MAN1B1: variants seen among roughly 807,000 people sequenced by gnomAD.
The protein encoded by MAN1B1 is mannosidase alpha class 1B member 1, also known as endoplasmic reticulum mannosyl-oligosaccharide 1,2-alpha-mannosidase.
Under a neutral mutation model 75.5 loss-of-function variants are expected in MAN1B1, and 66 were observed. The ratio of observed to expected loss-of-function variants is 0.87; its 90% CI spans 0.72 to 1.07. The LOEUF (loss-of-function observed/expected upper bound fraction) is 1.07. MAN1B1 is among the 50% of genes least tolerant of loss of function. The probability of loss-of-function intolerance (pLI) is 0.00; values close to 1 mark genes in which losing one functional copy is unlikely to be tolerated. For missense variants in MAN1B1, 973 were observed against 912.5 expected (o/e 1.07, Z -0.85); for synonymous variants, 453 against 382.8 (o/e 1.18, Z -2.14).
In MAN1B1 at chr9:137,096,297, G is replaced by A. The variant is rs1171478076; in HGVS notation, c.526G>A (p.Asp176Asn). 3.7e-6 allele frequency: 6 copies of A among 1,614,138 alleles called. No individual in the cohort carries two copies. The Admixed American group carries it at 1.0e-4, about 27-fold the overall frequency. ...PHLQIRPPSQ[D>N]LKDGTQEEAT... ...CCTGCAGATTAGACCCCCAAGCCAA[G>A]ACCTGAAGGATGGGACCCAGGAGGA... The change falls in exon 4 of 13, where the codon GAC becomes AAC. Residue 176 changes from aspartate to asparagine, a missense_variant. Transcript: ENST00000371589.
intron 3 of MAN1B1, among the ~76,000 whole-genome samples, chr9:137,091,653 A>T (rs969075495): frequency 6.7e-6 from 1 of 149,590 alleles, no homozygotes; most frequent in African/African-American, 2.5e-5. Flanking sequence ...TGGCCTCCTG[A>T]GTAGCTAGGA....
intron 8 of MAN1B1, chr9:137,103,832 G>A (rs535257488): frequency 4.0e-5 from 18 of 445,326 alleles, no homozygotes; most frequent in South Asian, 1.4e-4. Context: ...CTTGCAGGTC[G>A]GTGGTGTTAC....
At chr9:137,099,072 T>C (rs1465621206) in intron 5 of MAN1B1, among the ~76,000 whole-genome samples, 1 of 152,128 alleles carries the variant, frequency 6.6e-6, no homozygotes, top group Non-Finnish European at 1.5e-5. Flanking sequence ...TCAGGTGATC[T>C]GCCCACCTCG....
At chr9:137,103,890 C>G in intron 8 of MAN1B1, 1 of 453,360 alleles carries the variant, frequency 2.2e-6, no homozygotes, top group South Asian at 1.6e-5. Flanking sequence ...TACACACATT[C>G]ATGCTGTTGC....
At chr9:137,103,659 TGCAG>T (rs1830983069) in intron 8 of MAN1B1, 9 of 433,562 alleles carry the variant, frequency 2.1e-5, no homozygotes, top group South Asian at 1.5e-4. Context: ...CATTCACACT[TGCAG>T]GCGTGCAGGT....
At chr9:137,096,560 T>A (rs1160531196) in intron 4 of MAN1B1, among the ~76,000 whole-genome samples, 169 bp downstream of exon 4, 1 of 152,262 alleles carries the variant, frequency 6.6e-6, no homozygotes. Flanking sequence ...TTTTTAAAAC[T>A]GGAGGTCAGA....
chr9:137,103,231 CATGGTG>C (rs1830948460), intron 8 of MAN1B1: 2 of 421,364 alleles, frequency 4.7e-6, no homozygotes, highest in Admixed American at 2.7e-5. Flanking sequence ...TACACACATT[CATGGTG>C]TTGCAGGCGT....
chr9:137,107,614 C>T lies in MAN1B1; in HGVS notation c.1848C>T (p.Tyr616=). 6.2e-7 allele frequency: 1 copy of T among 1,611,360 alleles called. No homozygotes were observed. The highest frequency in any genetic ancestry group is 1.1e-5 in the South Asian group (1 of 91,092). Residue 616 remains tyrosine (Y), a synonymous_variant, in exon 12 of 13, where the codon TAC becomes TAT. Coordinates refer to ENST00000371589, the MANE Select transcript of MAN1B1 (RefSeq NM_016219.5). ...YLYRVTGDRK[Y]QDWGWEILQS... is the part of the protein sequence containing the mutation. ...ACCGCGTCACAGGGGACCGCAAATA[C>T]CAGGACTGGGGCTGGGAGATTCTGC...
chr9:137,106,526 G>A (rs1831113997), intron 9 of MAN1B1, 163 bp from the exon 10 acceptor site: 2 of 1,190,796 alleles, frequency 1.7e-6, no homozygotes, highest in Admixed American at 1.9e-5. Flanking sequence ...GGGGTGAGGG[G>A]GGCATCTTCA....
intron 8 of MAN1B1, chr9:137,104,732 CTG>C (rs1831033044): frequency 6.3e-6 from 1 of 158,134 alleles, no homozygotes; most frequent in Non-Finnish European, 1.4e-5. Flanking sequence ...CTGCCTGAGG[CTG>C]TGTTTTGGCC....
At chr9:137,101,741 C>G (rs1162431807) in intron 8 of MAN1B1, 69 bp downstream of exon 8, 11 of 1,466,088 alleles carry the variant, frequency 7.5e-6, no homozygotes, top group South Asian at 4.8e-5. Flanking sequence ...ACAGCAGGTA[C>G]TGTGTGTGTG....
intron 12 of MAN1B1, chr9:137,108,047 ACTT>A (rs1181493796): frequency 4.9e-6 from 3 of 608,094 alleles, no homozygotes; most frequent in African/African-American, 3.7e-5. Context: ...CCAGAGTGTC[ACTT>A]CCTGGCTCTG....
At chr9:137,089,794 G>C (rs563663398) in intron 3 of MAN1B1, among the ~76,000 whole-genome samples, 4 of 152,124 alleles carry the variant, frequency 2.6e-5, no homozygotes, top group Non-Finnish European at 5.9e-5. Flanking sequence ...GGAGAAGGAG[G>C]GTGAGTCCCC....
Position 137,107,603 on chromosome 9 carries a change from G to T in MAN1B1, c.1837G>T (p.Asp613Tyr). 2 of 1,611,748 alleles carry T rather than the reference G, an allele frequency of 1.2e-6. No individual in the cohort carries two copies. Among genetic ancestry groups the T allele is most frequent in the South Asian group, 1.1e-5 (1 of 91,088 alleles). ...GTTCTACCTGTACCGCGTCACAGGG[G>T]ACCGCAAATACCAGGACTGGGGCTG... is the stretch of plus-strand genomic sequence containing the variant. Reference protein sequence around the residue: ...SLFYLYRVTGDRKYQDWGWEI... With the variant: ...SLFYLYRVTGYRKYQDWGWEI... Residue 613 changes from aspartate (D) to tyrosine (Y), a missense_variant, in exon 12 of 13, where the codon GAC (aspartate) becomes TAC (tyrosine). By Grantham distance (160) the Asp-to-Tyr change is radical (BLOSUM62 -3). Coordinates refer to ENST00000371589, the MANE Select transcript of MAN1B1 (RefSeq NM_016219.5).
At chr9:137,094,635 T>A (rs1302473140) in intron 3 of MAN1B1, among the ~76,000 whole-genome samples, 2 of 150,830 alleles carry the variant, frequency 1.3e-5, no homozygotes, top group African/African-American at 4.9e-5. Flanking sequence ...TCCCAGCGCT[T>A]TGGGAGGCTG....
At chr9:137,106,876 A>G (rs1407994682) in intron 10 of MAN1B1, 67 bp downstream of exon 10, 4 of 1,514,558 alleles carry the variant, frequency 2.6e-6, no homozygotes, top group Non-Finnish European at 2.6e-6. Context: ...TGCCTGAGTC[A>G]TGATGTCAAA....
intron 8 of MAN1B1, chr9:137,105,643 G>A (rs1831066881): frequency 3.0e-6 from 1 of 331,744 alleles, no homozygotes; most frequent in Non-Finnish European, 5.8e-6. Flanking sequence ...TAAGCCCTGA[G>A]GAGCTGAGGG....
At chr9:137,106,356 C>CGTTCCCGCAGCCCCCCA in intron 9 of MAN1B1, 41 bp downstream of exon 9, 1 of 1,520,008 alleles carries the variant, frequency 6.6e-7, no homozygotes, top group Non-Finnish European at 8.9e-7. Context: ...GCGGCTCCCC[C>CGTTCCCGCAGCCCCCCA]GTTCCCGCAG....
chr9:137,108,263 C>A, intron 12 of MAN1B1, 125 bp from the exon 13 acceptor site: 1 of 846,842 alleles, frequency 1.2e-6, no homozygotes, highest in Non-Finnish European at 1.9e-6. Context: ...ATCATCCAGG[C>A]GCCCTCCACC....
Sources: gnomAD v4.1 joint callset for allele counts (sites outside exome capture counted in the v4.1 genomes callset) on GRCh38, gnomAD v4.1.1 for gene constraint, MANE v1.5 for transcripts, NCBI Gene and HGNC (gene_info 2026-07-23, HGNC 2026-07-21) for gene names.